Variants in NKAIN3 observed in about 807,000 individuals in gnomAD.
NKAIN3 encodes the protein sodium/potassium-transporting ATPase subunit beta-1-interacting protein 3.
Under a neutral mutation model 30.2 loss-of-function variants are expected in NKAIN3, and 25 were observed. That is an observed-to-expected ratio of 0.83 (90% CI 0.60 to 1.16). NKAIN3 has a LOEUF of 1.16. Ranked by LOEUF, NKAIN3 falls within the 50% of genes most tolerant of loss-of-function variation. The probability of loss-of-function intolerance (pLI) is 0.00; values close to 1 mark genes in which losing one functional copy is unlikely to be tolerated. For synonymous variants in NKAIN3, 91 were observed against 89.6 expected (o/e 1.02, Z -0.09); for missense variants, 225 against 254.1 (o/e 0.89, Z 0.78).
chr8:62,350,757 C>G (rs1224744085), intron 1 of NKAIN3, among the ~76,000 whole-genome samples: 1 of 152,068 alleles, frequency 6.6e-6, no homozygotes, highest in Admixed American at 6.6e-5. Flanking sequence ...GTGGCGCAAT[C>G]TTGGCTCACA....
At chr8:62,737,515 G>A (rs1291500213) in intron 3 of NKAIN3, among the ~76,000 whole-genome samples, 1 of 152,050 alleles carries the variant, frequency 6.6e-6, no homozygotes, top group Non-Finnish European at 1.5e-5. Context: ...CCTCTTGTTA[G>A]CCATTGTTCT....
At chr8:62,575,173 T>A (rs1353026040) in intron 1 of NKAIN3, among the ~76,000 whole-genome samples, 2 of 152,054 alleles carry the variant, frequency 1.3e-5, no homozygotes, top group African/African-American at 4.8e-5. Flanking sequence ...AAGGAAGAAG[T>A]CAAATTAGCC....
At chr8:62,790,767 G>A (rs1429804145) in intron 4 of NKAIN3, among the ~76,000 whole-genome samples, 4 of 152,050 alleles carry the variant, frequency 2.6e-5, no homozygotes, top group African/African-American at 9.7e-5. Flanking sequence ...ACATGCTTTG[G>A]GCAAGTAATA....
intron 1 of NKAIN3, among the ~76,000 whole-genome samples, chr8:62,252,298 G>A (rs1272263501): frequency 6.6e-6 from 1 of 152,040 alleles, no homozygotes; most frequent in African/African-American, 2.4e-5. Context: ...TTAACTGGGA[G>A]GTCATCACAT....
At chr8:62,442,375 C>T (rs1805354504) in intron 1 of NKAIN3, among the ~76,000 whole-genome samples, 2 of 151,832 alleles carry the variant, frequency 1.3e-5, no homozygotes, top group Admixed American at 1.3e-4. Flanking sequence ...AATTTATTGG[C>T]ATATGGATGC....
chr8:62,684,545 G>C (rs568112531), intron 3 of NKAIN3, among the ~76,000 whole-genome samples: 2 of 152,202 alleles, frequency 1.3e-5, no homozygotes, highest in African/African-American at 4.8e-5. Flanking sequence ...AAACCGGATG[G>C]GGCATAGCTG....
chr8:62,849,368 T>G (rs910281602), intron 4 of NKAIN3, among the ~76,000 whole-genome samples: 2 of 150,546 alleles, frequency 1.3e-5, no homozygotes, highest in African/African-American at 4.9e-5. Context: ...ATTGGTCTAT[T>G]CAGGGATTCA....
intron 1 of NKAIN3, among the ~76,000 whole-genome samples, chr8:62,555,740 C>T (rs1159411469): frequency 2.0e-5 from 3 of 151,724 alleles, no homozygotes; most frequent in African/African-American, 7.2e-5. Context: ...TGCAAATTAC[C>T]AAGAAAGATA....
intron 3 of NKAIN3, among the ~76,000 whole-genome samples, chr8:62,595,382 C>CTT (rs1181598520): frequency 0.43 from 47,191 of 109,686 alleles, 11,767 homozygotes; most frequent in Non-Finnish European, 0.52. Flanking sequence ...GGGCTATTTT[C>CTT]TTTTTTTTTT....
At chr8:62,503,773 G>A (rs547224181) in intron 1 of NKAIN3, among the ~76,000 whole-genome samples, 62 of 152,090 alleles carry the variant, frequency 4.1e-4, no homozygotes, top group African/African-American at 1.3e-3. Context: ...GCCCAACCCC[G>A]CAGGCAGTCA....
chr8:62,505,471 T>A (rs1403214022), intron 1 of NKAIN3, among the ~76,000 whole-genome samples: 1 of 152,204 alleles, frequency 6.6e-6, no homozygotes, highest in African/African-American at 2.4e-5. Context: ...TTGAGTGAAA[T>A]AATGTATAAG....
chr8:62,779,575 A>G (rs1817293986), intron 4 of NKAIN3, among the ~76,000 whole-genome samples: 8 of 152,120 alleles, frequency 5.3e-5, no homozygotes. Flanking sequence ...AAGAAAGCCA[A>G]AAAAAATTGA....
chr8:62,267,156 A>G (rs1812635497), intron 1 of NKAIN3, among the ~76,000 whole-genome samples: 1 of 152,236 alleles, frequency 6.6e-6, no homozygotes. Flanking sequence ...ATTACTTTCA[A>G]AAACATAATA....
chr8:62,590,618 T>A (rs1206856590), intron 3 of NKAIN3, among the ~76,000 whole-genome samples: 1 of 151,920 alleles, frequency 6.6e-6, no homozygotes, highest in Non-Finnish European at 1.5e-5. Context: ...TTCTACTGCT[T>A]TATAACAGTC....
At chr8:62,375,235 C>G (rs988397365) in intron 1 of NKAIN3, among the ~76,000 whole-genome samples, 15 of 152,206 alleles carry the variant, frequency 9.9e-5, no homozygotes, top group African/African-American at 3.6e-4. Context: ...CCGATGTCAT[C>G]AGGCCTATAT....
chr8:62,554,918 G>C lies in NKAIN3; in HGVS notation c.55-24621G>C, dbSNP rs145524904. Among the ~76,000 whole-genome samples the C allele has an allele frequency of 1.6e-4, 24 of 151,940 alleles. No individual in the cohort carries two copies. The East Asian group carries it at 1.7e-3, about 11-fold the overall frequency. ...TTTTATTAATTCTAAATATAAGTGA[G>C]ATTATGCAGTATTTTTCTTTTCCTG... is the stretch of plus-strand genomic sequence containing the variant. On this transcript the variant is annotated intron_variant, in intron 1 of 6. Transcript: ENST00000623646.
At chr8:62,720,625 T>C (rs1355278077) in intron 3 of NKAIN3, among the ~76,000 whole-genome samples, 1 of 152,206 alleles carries the variant, frequency 6.6e-6, no homozygotes, top group Non-Finnish European at 1.5e-5. Context: ...GCAATATTTA[T>C]TCCCTTTTTC....
At chr8:62,334,645 A>T (rs775471118) in intron 1 of NKAIN3, among the ~76,000 whole-genome samples, 3 of 152,110 alleles carry the variant, frequency 2.0e-5, no homozygotes, top group Admixed American at 2.0e-4. Context: ...CTATTGCTAC[A>T]TAACAAATCA....
chr8:62,497,861 T>A (rs1428781255), intron 1 of NKAIN3, among the ~76,000 whole-genome samples: 1 of 152,096 alleles, frequency 6.6e-6, no homozygotes, highest in Non-Finnish European at 1.5e-5. Flanking sequence ...CAGGTTGGGT[T>A]TATAAGCTAC....
Sources: allele counts gnomAD v4.1 joint callset (sites outside exome capture counted in the v4.1 genomes callset), GRCh38; gene constraint gnomAD v4.1.1; transcripts MANE v1.5; gene names NCBI Gene and HGNC (gene_info 2026-07-23, HGNC 2026-07-21).